Variants in GCC2 observed in about 807,000 individuals in gnomAD.
The protein encoded by GCC2 is GRIP and coiled-coil domain-containing protein 2.
GCC2 carries 120 observed loss-of-function variants against 210.6 expected under a neutral mutation model. The observed-to-expected ratio is 0.57, with a 90% CI of 0.49 to 0.66. GCC2 has a LOEUF of 0.66. Among genes scored for constraint, GCC2 ranks in the 30% least tolerant of loss-of-function variants. The pLI is 0.00. For synonymous variants in GCC2, 703 were observed against 652.7 expected (o/e 1.08, Z -1.17); for missense variants, 1,868 against 1,871.9 (o/e 1.00, Z 0.04).
In GCC2 at chr2:108,470,196, G is replaced by A. The variant is rs1171917691; in HGVS notation, c.867G>A (p.Lys289=). ...NLVKQCEASE[K]NIQKKYECEL... is the part of the protein sequence containing the mutation. ...TAAAACAATGTGAGGCAAGTGAAAA[G>A]AACATCCAGAAGAAATATGAATGTG... Residue 289 remains lysine (K), a synonymous_variant, in exon 6 of 23, where the codon AAG becomes AAA. Transcript: ENST00000309863. 6.2e-7 allele frequency: 1 copy of A among 1,613,116 alleles called. No homozygotes were observed. The highest frequency in any genetic ancestry group is 1.1e-5 in the South Asian group (1 of 90,816).
chr2:108,491,896 A>G (rs1051500806), intron 18 of GCC2, among the ~76,000 whole-genome samples: 1 of 152,112 alleles, frequency 6.6e-6, no homozygotes, highest in African/African-American at 2.4e-5. Flanking sequence ...GAGTACATAA[A>G]AATCACATTG....
chr2:108,505,944 C>T lies in GCC2; in HGVS notation c.4985-1616C>T, dbSNP rs1683161672. 2.6e-5 allele frequency among the ~76,000 whole-genome samples: 4 copies of T among 152,154 alleles called. No individual in the cohort carries two copies. The South Asian group carries it at 8.3e-4, about 32-fold the overall frequency. On this transcript the variant is annotated intron_variant, in intron 22 of 22. Coordinates refer to ENST00000309863, the MANE Select transcript of GCC2 (RefSeq NM_181453.4). The stretch of plus-strand genomic sequence containing the variant: ...TAAAATTTTGAAAATGCTACTCTGC[C>T]TAAGGTCAAACTGACATACATATAT...
At chr2:108,451,811 T>C (rs1476910328) in intron 3 of GCC2, among the ~76,000 whole-genome samples, 1 of 151,812 alleles carries the variant, frequency 6.6e-6, no homozygotes, top group East Asian at 1.9e-4. Context: ...ATTAAACACT[T>C]AGATTAACGT....
intron 22 of GCC2, among the ~76,000 whole-genome samples, chr2:108,501,742 GAT>G (rs1321801944): frequency 5.9e-5 from 9 of 152,280 alleles, no homozygotes; most frequent in African/African-American, 2.2e-4. Context: ...ATTTGTTGCT[GAT>G]ACTTCTGGTC....
intron 12 of GCC2, among the ~76,000 whole-genome samples, chr2:108,483,646 A>AGT (rs1401795555): frequency 1.3e-5 from 2 of 152,220 alleles, no homozygotes; most frequent in African/African-American, 4.8e-5. Flanking sequence ...TACTTCTCTA[A>AGT]GTACCAGTCC....
intron 16 of GCC2, 119 bp from the exon 17 acceptor site, chr2:108,487,580 A>C: frequency 2.2e-6 from 2 of 927,610 alleles, no homozygotes; most frequent in Non-Finnish European, 3.3e-6. Flanking sequence ...ACCAAAAAGA[A>C]TGTCAGCCAT....
At chr2:108,472,350 G>T (rs2718706) in intron 6 of GCC2, among the ~76,000 whole-genome samples, 33,277 of 151,952 alleles carry the variant, frequency 0.22, 4,008 homozygotes, top group African/African-American at 0.31. Context: ...AAGATTAAAT[G>T]ATTAGGGGTT....
intron 10 of GCC2, 104 bp from the exon 11 acceptor site, chr2:108,482,183 A>G: frequency 1.5e-6 from 1 of 688,268 alleles, no homozygotes; most frequent in Non-Finnish European, 2.5e-6. Flanking sequence ...GGAAATCTTC[A>G]TTTGTCACAC....
chr2:108,503,760 T>A (rs1189684908), intron 22 of GCC2, among the ~76,000 whole-genome samples: 1 of 152,318 alleles, frequency 6.6e-6, no homozygotes, highest in Non-Finnish European at 1.5e-5. Flanking sequence ...TTGCTACCTA[T>A]TAGTGGATGG....
intron 4 of GCC2, among the ~76,000 whole-genome samples, chr2:108,460,871 A>G (rs1453899023): frequency 6.6e-6 from 1 of 152,018 alleles, no homozygotes; most frequent in Non-Finnish European, 1.5e-5. Context: ...TTCTCATGAG[A>G]TGTGGTTGTT....
At chr2:108,490,251 A>T (rs1573221958) in intron 18 of GCC2, 1 of 337,664 alleles carries the variant, frequency 3.0e-6, no homozygotes, top group African/African-American at 2.1e-5. Context: ...TGTGTCTCCT[A>T]CAGCCTTCTT....
Position 108,469,279 on chromosome 2 carries a change from G to A in GCC2, c.321+195G>A, listed in dbSNP as rs963530560. On this transcript the variant is annotated intron_variant, in intron 5 of 22. Transcript: ENST00000309863. ...AGCAACAGAGGTGACATTTACTTTT[G>A]TTGCATTATCTTTTTTATAGCTATA... The A allele has an allele frequency of 9.1e-6, 4 of 441,878 alleles. No homozygotes were observed. In the Admixed American group the frequency reaches 1.1e-4, roughly 13 times the overall value. 27.4% of individuals were successfully genotyped at this position (441,878 alleles called of 1,614,324 possible).
chr2:108,481,772 C>T lies in GCC2; in HGVS notation c.3136C>T (p.Arg1046Cys), dbSNP rs199920630. The T allele has an allele frequency of 1.1e-5, 18 of 1,602,632 alleles. No individual in the cohort carries two copies. The highest frequency in any genetic ancestry group is 1.7e-5 in the Admixed American group (1 of 58,392). ...EKERANNFEH[R>C]IEDLTRQLRN... Reference sequence around the variant, plus strand: ...AGAACGTGCTAATAATTTTGAGCATCGTATTGAAGACCTTACAAGACAATT... The same window carrying T: ...AGAACGTGCTAATAATTTTGAGCATTGTATTGAAGACCTTACAAGACAATT... The change falls in exon 10 of 23, where the codon CGT becomes TGT. Residue 1046 changes from arginine (R) to cysteine (C), a missense_variant. Around this residue, in one of 3 missense-constraint regions of GCC2, gnomAD observed 1,847 missense variants for 1,765.2 expected, o/e 1.05. Transcript: ENST00000309863.
intron 15 of GCC2, 105 bp downstream of exon 15, chr2:108,486,013 C>A: frequency 1.7e-6 from 1 of 578,538 alleles, no homozygotes; most frequent in Non-Finnish European, 3.1e-6. Context: ...TAGAAAGATT[C>A]CTCAACATTT....
chr2:108,498,532 T>C (rs1682762925), intron 21 of GCC2, among the ~76,000 whole-genome samples: 1 of 152,178 alleles, frequency 6.6e-6, no homozygotes, highest in Non-Finnish European at 1.5e-5. Context: ...CTCTTCATGA[T>C]TTCTTAGTCT....
At chr2:108,469,462 A>G in intron 5 of GCC2, 189 bp from the exon 6 acceptor site, 1 of 520,064 alleles carries the variant, frequency 1.9e-6, no homozygotes, top group Non-Finnish European at 3.4e-6. Flanking sequence ...TATTGTAGAT[A>G]TATATTGTCA....
Position 108,485,675 on chromosome 2 carries a change from A to C in GCC2, c.3653A>C (p.Asn1218Thr), listed in dbSNP as rs1334403676. 2 of 1,595,484 alleles carry C rather than the reference A, an allele frequency of 1.3e-6. No homozygotes were observed. The highest frequency in any genetic ancestry group is 1.1e-5 in the South Asian group (1 of 87,626). Residue 1218 changes from asparagine to threonine, a missense_variant, in exon 14 of 23, where the codon AAC becomes ACC. Physicochemically the swap from Asn to Thr is moderately conservative, Grantham distance 65. Transcript: ENST00000309863. Reference sequence around the variant, plus strand: ...TCAGTACAACAATATGAAGAAAAAAACACCAAAATCAAGCAATTGCTTGTG... The same window carrying C: ...TCAGTACAACAATATGAAGAAAAAACCACCAAAATCAAGCAATTGCTTGTG... Reference protein sequence around the residue: ...QSSVQQYEEKNTKIKQLLVKT... With the variant: ...QSSVQQYEEKTTKIKQLLVKT...
At chr2:108,449,321 G>T in intron 1 of GCC2, 41 bp downstream of exon 1, 1 of 1,542,246 alleles carries the variant, frequency 6.5e-7, no homozygotes, top group Non-Finnish European at 8.8e-7. Context: ...CAAGCCTTCC[G>T]CGCCGCGATT....
rs1464261914 is a variant in GCC2 at position 108,507,868 on chromosome 2, C to G, written c.*238C>G. The G allele has an allele frequency of 2.8e-6, 1 of 357,580 alleles. No individual in the cohort carries two copies. The highest frequency in any genetic ancestry group is 5.3e-6 in the Non-Finnish European group (1 of 187,736). The allele number at this position is 357,580 out of a possible 1,614,324, so 22.2% of individuals were successfully genotyped here. On this transcript the variant is annotated 3_prime_UTR_variant, in exon 23 of 23. Transcript: ENST00000309863. ...TCATGTGATTTCCCATGCATGCTGC[C>G]AGAATAAAACCACCAGGAATGAATT...
Sources: gnomAD v4.1 joint callset for allele counts (sites outside exome capture counted in the v4.1 genomes callset) on GRCh38, gnomAD v4.1.1 for gene constraint, gnomAD v4.1.1 regional missense constraint, MANE v1.5 for transcripts, NCBI Gene and HGNC (gene_info 2026-07-23, HGNC 2026-07-21) for gene names.